The following TMEM43 variants were observed in gnomAD, a reference collection of about 807,000 sequenced individuals.
The protein encoded by TMEM43 is arrhythmogenic right ventricular dysplasia 5.
A neutral mutation model predicts 49.6 loss-of-function variants in TMEM43; 45 were observed. That is an observed-to-expected ratio of 0.91 (90% confidence interval 0.71 to 1.16). TMEM43 has a LOEUF of 1.16. TMEM43 is among the 50% of genes most tolerant of loss of function. The pLI, the probability that TMEM43 is intolerant of heterozygous loss-of-function variation, is 0.00. For synonymous variants in TMEM43, 199 were observed against 207.8 expected (o/e 0.96, Z 0.36); for missense variants, 532 against 516.6 (o/e 1.03, Z -0.29).
intron 10 of TMEM43, among the ~76,000 whole-genome samples, chr3:14,137,470 CT>C (rs1695185227): frequency 1.3e-5 from 2 of 152,186 alleles, no homozygotes; most frequent in South Asian, 4.1e-4. Context: ...TCCTTACCCC[CT>C]GGGTCTCCTG....
In TMEM43 at chr3:14,134,906, C is replaced by G. The variant is rs1182977429; in HGVS notation, c.705+15C>G. On this transcript the variant is annotated intron_variant, in intron 8 of 11. Coordinates refer to ENST00000306077, the MANE Select transcript of TMEM43 (RefSeq NM_024334.3). ...AGTATCCAGAGGTGTGCGGAGAGGCCTGGGCTCTCCAAATAGGAGGGTCAG... is the reference window on the plus strand; with the variant it reads ...AGTATCCAGAGGTGTGCGGAGAGGCGTGGGCTCTCCAAATAGGAGGGTCAG... 6.2e-7 allele frequency: 1 copy of G among 1,614,088 alleles called. No individual in the cohort carries two copies. Among genetic ancestry groups the G allele is most frequent in the Non-Finnish European group, 8.5e-7 (1 of 1,179,994 alleles).
At chr3:14,131,465 C>A in intron 3 of TMEM43, 115 bp from the exon 4 acceptor site, 1 of 852,224 alleles carries the variant, frequency 1.2e-6, no homozygotes. Flanking sequence ...GGCTCTCCAC[C>A]CTTGTCCCCT....
Position 14,135,011 on chromosome 3 carries a change from T to G in TMEM43, c.705+120T>G, listed in dbSNP as rs868176138. ...CTGCACTTGGCCAAGTGCAGCTGAG[T>G]GGGAGAGGCCCTCTGGGTGACGGCA... On this transcript the variant is annotated intron_variant, in intron 8 of 11. Coordinates refer to ENST00000306077, the MANE Select transcript of TMEM43 (RefSeq NM_024334.3). The G allele has an allele frequency of 2.3e-5, 35 of 1,529,162 alleles. No individual in the cohort carries two copies. In the African/African-American group the frequency reaches 4.0e-4, roughly 17 times the overall value. 94.7% of individuals were successfully genotyped at this position (1,529,162 alleles called of 1,614,324 possible). A position where few individuals can be genotyped will look rare whatever the true frequency, so the allele number is the denominator to read the frequency against.
At chr3:14,132,336 C>T (rs942871331) in intron 4 of TMEM43, among the ~76,000 whole-genome samples, 9 of 152,220 alleles carry the variant, frequency 5.9e-5, no homozygotes, top group African/African-American at 2.2e-4. Context: ...GATGGGAGAG[C>T]GCTTTCCTCC....
chr3:14,138,008 A>G (rs1695192024), intron 10 of TMEM43: 1 of 152,234 alleles, frequency 6.6e-6, no homozygotes, highest in Admixed American at 6.5e-5. Context: ...TGAGAATTAA[A>G]TAATACTTGT....
chr3:14,129,790 C>T (rs185446476), intron 2 of TMEM43, among the ~76,000 whole-genome samples: 1 of 152,334 alleles, frequency 6.6e-6, no homozygotes. Flanking sequence ...GGGTTAGCAC[C>T]TGCCTCAGGC....
rs770871762 is a variant in TMEM43, at chr3:14,141,709, C to A, written c.1117C>A (p.Pro373Thr). The change falls in exon 12 of 12, where the codon CCC becomes ACC. Residue 373 changes from proline (P) to threonine (T), a missense_variant. Transcript: ENST00000306077. ...GGCGGCTGGCTGGCTCTTCTACCGA[C>A]CCCTGTGGGCCCTCCTCATTGCCGG... ...TVAAGWLFYR[P>T]LWALLIAGLA... The A allele has an allele frequency of 1.9e-6, 3 of 1,614,180 alleles. No homozygotes were observed. Among genetic ancestry groups the A allele is most frequent in the East Asian group, 2.2e-5 (1 of 44,886 alleles).
intron 5 of TMEM43, 107 bp from the exon 6 acceptor site, chr3:14,132,759 C>A: frequency 1.4e-6 from 2 of 1,389,710 alleles, no homozygotes; most frequent in Non-Finnish European, 2.0e-6. Context: ...TCCATTGAGG[C>A]TCCCTGACCC....
chr3:14,134,861 C>G lies in TMEM43; in HGVS notation c.675C>G (p.Phe225Leu), dbSNP rs1559361776. 1 of 1,614,210 alleles carries G rather than the reference C, an allele frequency of 6.2e-7. No homozygotes were observed. The highest frequency in any genetic ancestry group is 8.5e-7 in the Non-Finnish European group (1 of 1,180,024). Reference sequence around the variant, plus strand: ...ACATCATTCGCCGTGGAGACTTTTTCTACCACAGCGAAAATCCCAAGTATC... The same window carrying G: ...ACATCATTCGCCGTGGAGACTTTTTGTACCACAGCGAAAATCCCAAGTATC... Reference protein sequence around the residue: ...HVDIIRRGDFFYHSENPKYPE... With the variant: ...HVDIIRRGDFLYHSENPKYPE... The change falls in exon 8 of 12, where the codon TTC (phenylalanine) becomes TTG (leucine). Residue 225 changes from phenylalanine to leucine, a missense_variant. Physicochemically the swap from Phe to Leu is conservative, Grantham distance 22. Coordinates refer to ENST00000306077, the MANE Select transcript of TMEM43 (RefSeq NM_024334.3).
chr3:14,129,873 A>G (rs906753287), intron 2 of TMEM43, among the ~76,000 whole-genome samples: 39 of 152,054 alleles, frequency 2.6e-4, no homozygotes, highest in African/African-American at 8.9e-4. Flanking sequence ...GTTTTTCTCT[A>G]TTATGGTGTT....
chr3:14,130,096 C>A (rs1480735784), intron 2 of TMEM43, among the ~76,000 whole-genome samples: 1 of 125,284 alleles, frequency 8.0e-6, no homozygotes, highest in Admixed American at 9.4e-5. Flanking sequence ...TTGTTTGTTT[C>A]TTTCTTTCTC....
At chr3:14,131,457 C>A in intron 3 of TMEM43, 123 bp from the exon 4 acceptor site, 2 of 800,136 alleles carry the variant, frequency 2.5e-6, no homozygotes, top group Non-Finnish European at 2.1e-6. Flanking sequence ...CAGTGTAGGG[C>A]TCTCCACCCT....
chr3:14,132,056 T>TAA (rs140758065), intron 4 of TMEM43, among the ~76,000 whole-genome samples: 43,776 of 151,964 alleles, frequency 0.29, 6,431 homozygotes, highest in East Asian at 0.43. Flanking sequence ...TTGCTCTACT[T>TAA]ACAGCTTATC....
intron 4 of TMEM43, among the ~76,000 whole-genome samples, chr3:14,132,276 C>T (rs1273453349): frequency 6.6e-6 from 1 of 152,222 alleles, no homozygotes; most frequent in African/African-American, 2.4e-5. Flanking sequence ...GCCCAAAGGG[C>T]AGGGCTGGGC....
intron 4 of TMEM43, 76 bp downstream of exon 4, chr3:14,131,750 CT>C: frequency 9.3e-7 from 1 of 1,076,484 alleles, no homozygotes; most frequent in Non-Finnish European, 1.4e-6. Flanking sequence ...ATGCAGATGT[CT>C]TTCATTTTGA....
At chr3:14,127,142 G>C (rs190560943) in intron 1 of TMEM43, among the ~76,000 whole-genome samples, 3 of 152,182 alleles carry the variant, frequency 2.0e-5, no homozygotes, top group African/African-American at 7.2e-5. Context: ...GTGTGTGTGT[G>C]TGTTTATATA....
At chr3:14,126,520 C>A (rs1307058255) in intron 1 of TMEM43, among the ~76,000 whole-genome samples, 1 of 152,152 alleles carries the variant, frequency 6.6e-6, no homozygotes, top group Non-Finnish European at 1.5e-5. Context: ...ATTCTTCCAC[C>A]CAGTAGCTGT....
intron 7 of TMEM43, 54 bp downstream of exon 7, chr3:14,133,863 A>G (rs1188874254): frequency 1.3e-5 from 20 of 1,517,606 alleles, no homozygotes; most frequent in East Asian, 2.3e-5. Context: ...AGGCCCCCCT[A>G]GGGCCGGAGC....
rs768913841 is a variant in TMEM43, at chr3:14,130,902, T to C, written c.243T>C (p.Ala81=). Residue 81 remains alanine, a synonymous_variant, in exon 3 of 12, where the codon GCT becomes GCC. Coordinates refer to ENST00000306077, the MANE Select transcript of TMEM43 (RefSeq NM_024334.3). ...CTCCCGACAGCATCCACAGTGTGGC[T>C]CCGGAGAATGAAGGAAGGCTGGTGC... The part of the protein sequence containing the change: ...VVSPDSIHSV[A]PENEGRLVHI... The C allele has an allele frequency of 6.2e-7, 1 of 1,613,564 alleles. No individual in the cohort carries two copies. Among genetic ancestry groups the C allele is most frequent in the Non-Finnish European group, 8.5e-7 (1 of 1,179,654 alleles).
Sources: allele counts gnomAD v4.1 joint callset (sites outside exome capture counted in the v4.1 genomes callset), GRCh38; gene constraint gnomAD v4.1.1; transcripts MANE v1.5; gene names NCBI Gene and HGNC (gene_info 2026-07-23, HGNC 2026-07-21).